Variants in CTNND2 observed in about 807,000 individuals in gnomAD.
CTNND2 encodes the protein catenin delta 2, also known as catenin delta-2.
Under a neutral mutation model 144.4 loss-of-function variants are expected in CTNND2, and 22 were observed. The observed-to-expected ratio is 0.15, with a 90% CI of 0.11 to 0.22. CTNND2 has a LOEUF of 0.22. Ranked by LOEUF, CTNND2 falls within the 10% of genes least tolerant of loss-of-function variation. The probability of loss-of-function intolerance (pLI) is 1.00; values close to 1 mark genes in which losing one functional copy is unlikely to be tolerated. For missense variants in CTNND2, 1,353 were observed against 1,618.8 expected, an observed-to-expected ratio of 0.84 and a Z score of 2.82; for synonymous variants, 751 against 695.6, an observed-to-expected ratio of 1.08 and a Z score of -1.25.
At chr5:11,055,575 C>T (rs1188437234) in intron 16 of CTNND2, among the ~76,000 whole-genome samples, 1 of 152,182 alleles carries the variant, frequency 6.6e-6, no homozygotes, top group African/African-American at 2.4e-5. Context: ...GTGAATAAAC[C>T]TTGTCTTTTC....
intron 2 of CTNND2, among the ~76,000 whole-genome samples, chr5:11,577,192 G>T (rs1482986612): frequency 1.3e-5 from 2 of 152,070 alleles, no homozygotes; most frequent in African/African-American, 4.8e-5. Context: ...CACATATTAG[G>T]TATCAAATCA....
At chr5:11,761,558 C>G (rs1789264421) in intron 1 of CTNND2, among the ~76,000 whole-genome samples, 1 of 148,682 alleles carries the variant, frequency 6.7e-6, no homozygotes, top group Admixed American at 6.6e-5. Context: ...CGCTTTTTCA[C>G]CAAGGAAAAA....
In CTNND2 at chr5:10,988,349, T is replaced by C; in HGVS notation, c.3212-107A>G. 5 of 1,361,526 alleles carry C rather than the reference T, an allele frequency of 3.7e-6. No homozygotes were observed. The highest frequency in any genetic ancestry group is 4.1e-6 in the Non-Finnish European group (4 of 980,740). The allele number at this position is 1,361,526 out of a possible 1,614,324, so 84.3% of individuals were successfully genotyped here. On this transcript the variant is annotated intron_variant, in intron 19 of 21. Transcript: ENST00000304623. This position sits in a 1 kb window ranked among gnomAD's most constrained non-coding sequence, Gnocchi z 5.9. The stretch of plus-strand genomic sequence containing the variant: ...ATGCATGGTCCCGCATCTCAATGCC[T>C]ACGTGAGGACCTGATGGGTTTTCTT...
intron 2 of CTNND2, among the ~76,000 whole-genome samples, chr5:11,624,858 C>T (rs1009909878): frequency 2.0e-5 from 3 of 151,966 alleles, no homozygotes; most frequent in Non-Finnish European, 1.5e-5. Flanking sequence ...TACATTTATT[C>T]CATATATATT....
At chr5:11,091,592 G>C (rs961245800) in intron 15 of CTNND2, among the ~76,000 whole-genome samples, 1 of 152,098 alleles carries the variant, frequency 6.6e-6, no homozygotes, top group African/African-American at 2.4e-5. Flanking sequence ...TTAAAGCTTT[G>C]TTCTAGGATG....
intron 1 of CTNND2, among the ~76,000 whole-genome samples, chr5:11,855,391 G>A (rs556325517): frequency 7.2e-5 from 11 of 152,110 alleles, no homozygotes; most frequent in Non-Finnish European, 1.3e-4. Context: ...TTAGCATGAG[G>A]ATTAACTGAG....
chr5:11,437,462 C>G (rs1763871056), intron 3 of CTNND2, among the ~76,000 whole-genome samples: 1 of 152,122 alleles, frequency 6.6e-6, no homozygotes, highest in African/African-American at 2.4e-5. Context: ...TTGACACTAT[C>G]AGAAAGAGTG....
Position 11,379,870 on chromosome 5 carries a change from G to A in CTNND2, c.1177+4795C>T, listed in dbSNP as rs190449673. Among the ~76,000 whole-genome samples the A allele has an allele frequency of 1.9e-3, 294 of 152,272 alleles. 1 individual carries two copies. The highest frequency in any genetic ancestry group is 6.8e-3 in the African/African-American group (284 of 41,568). ...AACGCTAAGTCCATTACAGTGGGAT[G>A]CAGCAGCCTTATCTCCCTCTGCGCC... On this transcript the variant is annotated intron_variant, in intron 7 of 21. Transcript: ENST00000304623.
At chr5:11,317,206 T>A (rs751219674) in intron 9 of CTNND2, among the ~76,000 whole-genome samples, 2 of 152,090 alleles carry the variant, frequency 1.3e-5, no homozygotes, top group Non-Finnish European at 2.9e-5. Flanking sequence ...TGAGGCTCAA[T>A]GAGATTTGTT....
intron 1 of CTNND2, among the ~76,000 whole-genome samples, chr5:11,776,574 T>C (rs756978710): frequency 6.6e-6 from 1 of 152,148 alleles, no homozygotes; most frequent in African/African-American, 2.4e-5. Flanking sequence ...CATAATATTA[T>C]CAATCCCATT....
intron 2 of CTNND2, among the ~76,000 whole-genome samples, chr5:11,669,854 T>A (rs1783781818): frequency 6.6e-6 from 1 of 152,132 alleles, no homozygotes; most frequent in African/African-American, 2.4e-5. Context: ...GGAGTTGATT[T>A]TAGATCTTTC....
At chr5:11,046,092 C>T (rs756564672) in intron 16 of CTNND2, among the ~76,000 whole-genome samples, 8 of 152,042 alleles carry the variant, frequency 5.3e-5, no homozygotes, top group Non-Finnish European at 8.8e-5. Flanking sequence ...AATTGTTACC[C>T]CCTCACCAAA....
chr5:10,979,068 T>A (rs1190036702), intron 21 of CTNND2, among the ~76,000 whole-genome samples: 1 of 152,142 alleles, frequency 6.6e-6, no homozygotes, highest in African/African-American at 2.4e-5. Context: ...CTGGTTCCAA[T>A]GAGGAGCTTC....
intron 2 of CTNND2, among the ~76,000 whole-genome samples, chr5:11,666,582 C>A (rs1037425174): frequency 2.6e-5 from 4 of 152,116 alleles, no homozygotes; most frequent in African/African-American, 9.7e-5. Context: ...TAAAATGGAA[C>A]TAAGTCTGCC....
At position 11,594,160 on chromosome 5, in the gene CTNND2, A is replaced by G. The variant is rs966547154; in HGVS notation, c.175-29104T>C. ...CTGAACACTACAGAAATGCTCAGTC[A>G]CTAGAATGAATATAGTATAGTACAC... is the stretch of plus-strand genomic sequence containing the variant. On this transcript the variant is annotated intron_variant, in intron 2 of 21. Transcript: ENST00000304623. Among the ~76,000 whole-genome samples, 6 of 152,228 alleles carry G rather than the reference A, an allele frequency of 3.9e-5. 1 individual carries two copies. Among genetic ancestry groups the G allele is most frequent in the Admixed American group, 2.6e-4 (4 of 15,272 alleles).
intron 3 of CTNND2, among the ~76,000 whole-genome samples, chr5:11,548,232 C>T (rs1775428255): frequency 6.6e-6 from 1 of 152,164 alleles, no homozygotes; most frequent in Non-Finnish European, 1.5e-5. Context: ...ATATAAAGAA[C>T]TTCAAGGGTA....
At chr5:11,118,606 G>A (rs1753787987) in intron 12 of CTNND2, among the ~76,000 whole-genome samples, 1 of 152,200 alleles carries the variant, frequency 6.6e-6, no homozygotes, top group African/African-American at 2.4e-5. Context: ...TGAGAACTCA[G>A]ACCCCAGCTC....
At chr5:11,245,893 G>A (rs536747202) in intron 9 of CTNND2, among the ~76,000 whole-genome samples, 6 of 152,254 alleles carry the variant, frequency 3.9e-5, no homozygotes, top group African/African-American at 1.4e-4. Context: ...TTATGAGGCC[G>A]ACTCTTCCAT....
In CTNND2 at chr5:11,113,159, A is replaced by G. The variant is rs181866917; in HGVS notation, c.2278-2116T>C. 2.6e-5 allele frequency among the ~76,000 whole-genome samples: 4 copies of G among 152,180 alleles called. No individual in the cohort carries two copies. The East Asian group carries it at 7.7e-4, about 29-fold the overall frequency. ...CCATCTCAAAAAGAAAAACAAAAAA[A>G]CAAGCAAAAAAAACACCAGTATCAT... is the stretch of plus-strand genomic sequence containing the variant. On this transcript the variant is annotated intron_variant, in intron 13 of 21. Transcript: ENST00000304623.
Sources: allele counts gnomAD v4.1 joint callset (sites outside exome capture counted in the v4.1 genomes callset), GRCh38; gene constraint gnomAD v4.1.1; non-coding constraint Gnocchi (gnomAD v3.1); transcripts MANE v1.5; gene names NCBI Gene and HGNC (gene_info 2026-07-23, HGNC 2026-07-21).